The following KCNA6 variants were observed in gnomAD, a reference collection of about 807,000 sequenced individuals.
KCNA6 encodes the protein human brain potassium channel-2.
A neutral mutation model predicts 29.5 loss-of-function variants in KCNA6; 17 were observed. That is an observed-to-expected ratio of 0.58 (90% CI 0.39 to 0.86). KCNA6 has a LOEUF of 0.86. Ranked by LOEUF, KCNA6 falls within the 40% of genes least tolerant of loss-of-function variation. The probability of loss-of-function intolerance (pLI) is 0.00; values close to 1 mark genes in which losing one functional copy is unlikely to be tolerated. For synonymous variants in KCNA6, 296 were observed against 304.7 expected, an observed-to-expected ratio of 0.97 and a Z score of 0.30; for missense variants, 450 against 703.4, an observed-to-expected ratio of 0.64 and a Z score of 4.07.
the KCNA6 span, chr12:4,851,034 G>T: frequency 7.1e-6 from 2 of 283,470 alleles, no homozygotes; most frequent in Non-Finnish European, 7.2e-6. Context: ...ATTCCGGGAG[G>T]TGCATGGGTA....
chr12:4,834,015 AT>A, the KCNA6 span, among the ~76,000 whole-genome samples: 1 of 148,472 alleles, frequency 6.7e-6, no homozygotes, highest in South Asian at 2.1e-4. Flanking sequence ...TGTAGCCTTG[AT>A]GTCTCAGGCC....
At chr12:4,816,412 A>G (rs532779215), downstream of KCNA6, among the ~76,000 whole-genome samples, 52 of 152,206 alleles carry the variant, frequency 3.4e-4, no homozygotes, top group Non-Finnish European at 5.0e-4. Flanking sequence ...GCAGGGCATA[A>G]TTAGCATGCA....
chr12:4,848,772 T>G, the KCNA6 span, among the ~76,000 whole-genome samples: 1 of 152,120 alleles, frequency 6.6e-6, no homozygotes, highest in Non-Finnish European at 1.5e-5. Context: ...AATCAGCCAT[T>G]TTAAACTCTA....
chr12:4,822,125 G>A, the KCNA6 span, among the ~76,000 whole-genome samples: 8,818 of 152,256 alleles, frequency 0.058, 280 homozygotes, highest in African/African-American at 0.088. Flanking sequence ...GTGAGCCACC[G>A]CGCCCGGCCC....
the KCNA6 span, among the ~76,000 whole-genome samples, chr12:4,825,590 C>A: frequency 2.0e-5 from 3 of 152,180 alleles, no homozygotes; most frequent in Admixed American, 6.6e-5. Context: ...TTCAGTTGGA[C>A]CATTCTGTGG....
Position 4,811,661 on chromosome 12 carries a change from G to C in KCNA6, c.*30G>C, listed in dbSNP as rs753688455. On this transcript the variant is annotated 3_prime_UTR_variant, in exon 1 of 1. Coordinates refer to ENST00000280684, the Ensembl canonical transcript of KCNA6. This position sits in a 1 kb window ranked among gnomAD's most constrained non-coding sequence, Gnocchi z 7.1. ...TGCAGGCAGGGCCTGCAGGAGGGGA[G>C]CACTGAGCTAACAGTCTCTTAGGCT... 8 of 1,592,410 alleles carry C rather than the reference G, an allele frequency of 5.0e-6. No homozygotes were observed. In the African/African-American group the frequency reaches 8.1e-5, roughly 16 times the overall value.
chr12:4,809,723 A>T, exon 1 of KCNA6: 1 of 283,086 alleles, frequency 3.5e-6, no homozygotes, highest in Non-Finnish European at 6.5e-6. Context: ...GGGCGAAGCC[A>T]CGCGTCTTTT....
the KCNA6 span, among the ~76,000 whole-genome samples, chr12:4,822,034 C>G: frequency 1.3e-5 from 2 of 152,256 alleles, no homozygotes; most frequent in Non-Finnish European, 2.9e-5. Context: ...GGGGTTTCAC[C>G]ATGTTGGCCA....
the KCNA6 span, chr12:4,839,398 A>G: frequency 6.6e-6 from 1 of 152,106 alleles, no homozygotes; most frequent in Non-Finnish European, 1.5e-5. Context: ...TTTTCCTAAC[A>G]TTTTCTTTTC....
At chr12:4,834,540 G>A in the KCNA6 span, among the ~76,000 whole-genome samples, 3 of 152,184 alleles carry the variant, frequency 2.0e-5, no homozygotes, top group Non-Finnish European at 2.9e-5. Context: ...TAGAAGCGGG[G>A]GCTTGGGGAT....
the KCNA6 span, among the ~76,000 whole-genome samples, chr12:4,825,478 C>A: frequency 1.3e-4 from 20 of 152,302 alleles, no homozygotes; most frequent in African/African-American, 4.3e-4. Context: ...TGCTCACATA[C>A]CCCCAAAACT....
chr12:4,833,767 C>T, the KCNA6 span, among the ~76,000 whole-genome samples: 12 of 152,240 alleles, frequency 7.9e-5, no homozygotes, highest in South Asian at 8.3e-4. Context: ...CAGCTGTCTC[C>T]TATGAGCCTT....
At chr12:4,845,651 T>A in the KCNA6 span, among the ~76,000 whole-genome samples, 1 of 152,210 alleles carries the variant, frequency 6.6e-6, no homozygotes, top group Non-Finnish European at 1.5e-5. Context: ...ATGTACCTGG[T>A]GTCCTTTTTT....
At chr12:4,817,312 C>T (rs1946691935), downstream of KCNA6, among the ~76,000 whole-genome samples, 1 of 152,202 alleles carries the variant, frequency 6.6e-6, no homozygotes, top group African/African-American at 2.4e-5. Flanking sequence ...GGAGAGGGAT[C>T]TTCCCAGACA....
At chr12:4,839,510 G>T in the KCNA6 span, 3 of 152,190 alleles carry the variant, frequency 2.0e-5, no homozygotes, top group African/African-American at 7.2e-5. Flanking sequence ...CTAGTCGACA[G>T]TAGGTTATTA....
In KCNA6 at chr12:4,809,637, A is replaced by T. The variant is rs113763756; in HGVS notation, c.-405A>T. 3.9e-3 allele frequency: 659 copies of T among 169,756 alleles called. 4 individuals are homozygous for T. Among genetic ancestry groups the T allele is most frequent in the African/African-American group, 0.015 (615 of 42,210 alleles). The allele number at this position is 169,756 out of a possible 1,614,324, so 10.5% of individuals were successfully genotyped here. ...GGGTCCGGAGCGGCTGGAGGAGCGCAGTGGGAACTGGGAAGAGCTAGCCCG... is the reference window on the plus strand; with the variant it reads ...GGGTCCGGAGCGGCTGGAGGAGCGCTGTGGGAACTGGGAAGAGCTAGCCCG... On this transcript the variant is annotated 5_prime_UTR_variant, in exon 1 of 1. Coordinates refer to ENST00000280684, the Ensembl canonical transcript of KCNA6.
At chr12:4,836,972 T>C in the KCNA6 span, among the ~76,000 whole-genome samples, 1 of 152,224 alleles carries the variant, frequency 6.6e-6, no homozygotes, top group African/African-American at 2.4e-5. Flanking sequence ...TGTATGTCAA[T>C]GAGTTTAATG....
At chr12:4,819,899 G>A in the KCNA6 span, among the ~76,000 whole-genome samples, 1 of 152,218 alleles carries the variant, frequency 6.6e-6, no homozygotes, top group Non-Finnish European at 1.5e-5. Context: ...GTTGCTGTGA[G>A]ATTCAGAAGA....
chr12:4,840,480 C>G, the KCNA6 span, among the ~76,000 whole-genome samples: 1 of 152,198 alleles, frequency 6.6e-6, no homozygotes, highest in East Asian at 1.9e-4. Flanking sequence ...AAAGCATAAA[C>G]TGTAGCCCTA....
Sources: allele counts gnomAD v4.1 joint callset (sites outside exome capture counted in the v4.1 genomes callset), GRCh38; gene constraint gnomAD v4.1.1; non-coding constraint Gnocchi (gnomAD v3.1); transcripts MANE v1.5; gene names NCBI Gene and HGNC (gene_info 2026-07-23, HGNC 2026-07-21).